The following ACCSL variants were observed in gnomAD, a reference collection of about 807,000 sequenced individuals.
The protein encoded by ACCSL is 1-aminocyclopropane-1-carboxylate synthase homolog (inactive) like.
ACCSL carries 55 observed loss-of-function variants against 61.7 expected under a neutral mutation model. The ratio of observed to expected loss-of-function variants is 0.89; its 90% CI spans 0.72 to 1.12. The LOEUF is 1.12. Among genes scored for constraint, ACCSL ranks in the 50% most tolerant of loss-of-function variants. The probability of loss-of-function intolerance (pLI) is 0.00; values close to 1 mark genes in which losing one functional copy is unlikely to be tolerated. For synonymous variants in ACCSL, 258 were observed against 264.3 expected (o/e 0.98, Z 0.23); for missense variants, 632 against 698.0 (o/e 0.91, Z 1.07).
chr11:43,956,545 T>TA, the ACCSL span, among the ~76,000 whole-genome samples: 2 of 152,150 alleles, frequency 1.3e-5, no homozygotes, highest in East Asian at 3.9e-4. Flanking sequence ...TCAGCCTCCC[T>TA]AGTAGCTGGG....
intron 10 of ACCSL, 31 bp from the exon 11 acceptor site, chr11:44,056,154 C>G (rs767721946): frequency 6.2e-7 from 1 of 1,614,090 alleles, no homozygotes; most frequent in African/African-American, 1.3e-5. Flanking sequence ...AGACAAAACA[C>G]TTGTTCCTGT....
intron 13 of ACCSL, among the ~76,000 whole-genome samples, chr11:44,059,137 G>C: frequency 6.6e-6 from 1 of 152,206 alleles, no homozygotes; most frequent in East Asian, 1.9e-4. Flanking sequence ...AGCTACTCGG[G>C]GGGCTGAGGC....
chr11:43,994,771 T>TGCC, the ACCSL span, among the ~76,000 whole-genome samples: 13 of 152,084 alleles, frequency 8.5e-5, no homozygotes, highest in Non-Finnish European at 1.8e-4. Flanking sequence ...TAGCTGGGAC[T>TGCC]ACAATGCGCG....
the ACCSL span, among the ~76,000 whole-genome samples, chr11:44,034,430 A>C: frequency 6.6e-6 from 1 of 152,244 alleles, no homozygotes; most frequent in Non-Finnish European, 1.5e-5. Flanking sequence ...CATGCTGCTG[A>C]TAAAGACATA....
chr11:43,953,520 C>CAA, the ACCSL span, among the ~76,000 whole-genome samples: 270 of 75,434 alleles, frequency 3.6e-3, 2 homozygotes, highest in African/African-American at 0.011. Flanking sequence ...GACTCTGACT[C>CAA]AAAAAAAAAA....
At chr11:44,024,393 A>G in the ACCSL span, among the ~76,000 whole-genome samples, 1 of 151,334 alleles carries the variant, frequency 6.6e-6, no homozygotes, top group Non-Finnish European at 1.5e-5. Context: ...TCCTCATAAT[A>G]AATCTTCTCC....
At chr11:43,922,596 G>A in the ACCSL span, among the ~76,000 whole-genome samples, 1 of 152,206 alleles carries the variant, frequency 6.6e-6, no homozygotes, top group East Asian at 1.9e-4. Flanking sequence ...TCCTTTTGAG[G>A]GGACAGAATC....
the ACCSL span, among the ~76,000 whole-genome samples, chr11:43,985,812 G>A: frequency 2.6e-5 from 4 of 152,008 alleles, no homozygotes; most frequent in African/African-American, 9.7e-5. Context: ...TTGGGCCGGC[G>A]GATCACCTGA....
the ACCSL span, among the ~76,000 whole-genome samples, chr11:44,014,398 C>T: frequency 6.6e-6 from 1 of 151,926 alleles, no homozygotes; most frequent in Non-Finnish European, 1.5e-5. Flanking sequence ...TCAGTCCCTG[C>T]CATGTGGGCC....
chr11:44,037,507 T>C, the ACCSL span, among the ~76,000 whole-genome samples: 3 of 152,246 alleles, frequency 2.0e-5, no homozygotes, highest in South Asian at 2.1e-4. Flanking sequence ...TCTGCAGTGC[T>C]GGCTGGCCTG....
At chr11:43,988,806 CTTT>C in the ACCSL span, among the ~76,000 whole-genome samples, 13 of 97,230 alleles carry the variant, frequency 1.3e-4, no homozygotes, top group African/African-American at 4.5e-4. Flanking sequence ...ATTCTCTCTT[CTTT>C]TTTTTTTTTT....
At chr11:43,973,705 T>C in the ACCSL span, among the ~76,000 whole-genome samples, 8 of 152,224 alleles carry the variant, frequency 5.3e-5, 1 homozygote, top group African/African-American at 1.9e-4. Context: ...TTTCAGTGGG[T>C]ATTGGGCGAA....
chr11:43,935,514 G>A, the ACCSL span, among the ~76,000 whole-genome samples: 1 of 152,246 alleles, frequency 6.6e-6, no homozygotes, highest in East Asian at 1.9e-4. Flanking sequence ...GTCCTCAGCT[G>A]TAAAGTGGGG....
At chr11:44,004,768 G>C in the ACCSL span, among the ~76,000 whole-genome samples, 1 of 152,310 alleles carries the variant, frequency 6.6e-6, no homozygotes, top group African/African-American at 2.4e-5. Context: ...GACAGCATCT[G>C]GGAGCTGGTT....
the ACCSL span, chr11:43,943,383 G>A: frequency 7.1e-7 from 1 of 1,399,912 alleles, no homozygotes; most frequent in East Asian, 3.1e-5. This position sits in a 1 kb window ranked among gnomAD's most constrained non-coding sequence, Gnocchi z 4.8. Context: ...AAGGACCCGG[G>A]ACCGCCGCTC....
chr11:44,034,566 A>C, the ACCSL span, among the ~76,000 whole-genome samples: 2 of 151,926 alleles, frequency 1.3e-5, no homozygotes, highest in South Asian at 4.2e-4. Flanking sequence ...AGCAAGAGAG[A>C]GAGAGAGAGA....
At chr11:43,942,031 CGTGCGTGTGTGTGTGTGTGT>C in the ACCSL span, among the ~76,000 whole-genome samples, 3 of 114,464 alleles carry the variant, frequency 2.6e-5, no homozygotes, top group Non-Finnish European at 4.0e-5. Flanking sequence ...TGTTTGCATT[CGTGCGTGTGTGTGTGTGTGT>C]GTGTGTGTGT....
chr11:43,932,706 C>T, the ACCSL span, among the ~76,000 whole-genome samples: 8 of 152,232 alleles, frequency 5.3e-5, no homozygotes, highest in Non-Finnish European at 1.2e-4. Context: ...TCAGCACCCA[C>T]AGCACTTTTG....
the ACCSL span, among the ~76,000 whole-genome samples, chr11:43,956,061 G>C: frequency 2.7e-5 from 4 of 150,306 alleles, no homozygotes; most frequent in Non-Finnish European, 2.9e-5. Context: ...AGAGACTCCT[G>C]TGCAGCCACA....
Sources: allele counts gnomAD v4.1 joint callset (sites outside exome capture counted in the v4.1 genomes callset), GRCh38; gene constraint gnomAD v4.1.1; non-coding constraint Gnocchi (gnomAD v3.1); transcripts MANE v1.5; gene names NCBI Gene and HGNC (gene_info 2026-07-23, HGNC 2026-07-21).